ATG2B: variants seen among roughly 807,000 people sequenced by gnomAD.
ATG2B encodes autophagy related 2B.
In ATG2B, 121 loss-of-function variants were observed where a neutral mutation model predicts 241.3. That is an observed-to-expected ratio of 0.50 (90% CI 0.43 to 0.58). The LOEUF (loss-of-function observed/expected upper bound fraction) is 0.58. Among genes scored for constraint, ATG2B ranks in the 20% least tolerant of loss-of-function variants. The pLI is 0.00. For missense variants in ATG2B, 2,306 were observed against 2,491.6 expected (o/e 0.93, Z 1.59); for synonymous variants, 858 against 876.6 (o/e 0.98, Z 0.37).
rs1886293892 is a variant in ATG2B at position 96,284,846 on chromosome 14, T to C, written c.*909A>G. 6.6e-6 allele frequency: 1 copy of C among 152,250 alleles called. No individual in the cohort carries two copies. The highest frequency in any genetic ancestry group is 1.5e-5 in the Non-Finnish European group (1 of 68,038). The allele number at this position is 152,250 out of a possible 1,614,324, so 9.4% of individuals were successfully genotyped here. On this transcript the variant is annotated 3_prime_UTR_variant, in exon 42 of 42. Transcript: ENST00000359933. ...TATGCTGAAATAGTTAACTAGGGCA[T>C]ATTTGAAGAATTTTGTTTACTTTTA...
intron 11 of ATG2B, among the ~76,000 whole-genome samples, chr14:96,330,475 T>C (rs1887703833): frequency 6.6e-6 from 1 of 151,374 alleles, no homozygotes; most frequent in Non-Finnish European, 1.5e-5. Flanking sequence ...ATGTTAACAA[T>C]ACTAAAGGCT....
At chr14:96,287,794 G>T (rs1338435562) in intron 41 of ATG2B, among the ~76,000 whole-genome samples, 1 of 152,026 alleles carries the variant, frequency 6.6e-6, no homozygotes, top group African/African-American at 2.4e-5. Context: ...TTTATTTTTT[G>T]TTTTGTTTTG....
At chr14:96,330,493 G>A (rs952614058) in intron 11 of ATG2B, among the ~76,000 whole-genome samples, 7 of 152,140 alleles carry the variant, frequency 4.6e-5, no homozygotes, top group African/African-American at 1.7e-4. Flanking sequence ...GCTGGGCGTG[G>A]TGGCTCACGC....
At chr14:96,301,467 G>C (rs796851911) in intron 34 of ATG2B, among the ~76,000 whole-genome samples, 9 of 152,278 alleles carry the variant, frequency 5.9e-5, no homozygotes, top group African/African-American at 1.4e-4. Flanking sequence ...CAGATCGCTG[G>C]GTCAAAGCAA....
chr14:96,320,837 A>G (rs1338850983), intron 18 of ATG2B, among the ~76,000 whole-genome samples: 1 of 152,182 alleles, frequency 6.6e-6, no homozygotes, highest in Non-Finnish European at 1.5e-5. Flanking sequence ...CCCCTGAACT[A>G]TGAAATAAAA....
At chr14:96,320,018 T>C (rs893453102) in intron 18 of ATG2B, among the ~76,000 whole-genome samples, 1 of 152,186 alleles carries the variant, frequency 6.6e-6, no homozygotes, top group African/African-American at 2.4e-5. Flanking sequence ...GTGGAAGGTA[T>C]TTAATAGAAT....
At chr14:96,286,078 G>T in intron 41 of ATG2B, 93 bp from the exon 42 acceptor site, 1 of 911,908 alleles carries the variant, frequency 1.1e-6, no homozygotes, top group Non-Finnish European at 1.7e-6. Flanking sequence ...CACTTTTAAA[G>T]CAGGTAACAT....
chr14:96,329,878 A>G (rs1453825719), intron 11 of ATG2B, among the ~76,000 whole-genome samples: 1 of 152,200 alleles, frequency 6.6e-6, no homozygotes, highest in African/African-American at 2.4e-5. Flanking sequence ...TTGCAAAGGC[A>G]AAATCTTTCA....
At position 96,332,336 on chromosome 14, in the gene ATG2B, G is replaced by A. The variant is rs1463080127; in HGVS notation, c.1437C>T (p.Asn479=). The A allele has an allele frequency of 1.9e-6, 3 of 1,613,708 alleles. No homozygotes were observed. The highest frequency in any genetic ancestry group is 2.5e-6 in the Non-Finnish European group (3 of 1,179,670). The change falls in exon 10 of 42, where the codon AAC becomes AAT. Residue 479 remains asparagine, a synonymous_variant. Coordinates refer to ENST00000359933, the MANE Select transcript of ATG2B (RefSeq NM_018036.7). The stretch of plus-strand genomic sequence containing the variant: ...TCTGTAAAGGTGTTGGGTGAACTAG[G>A]TTGGATGGAAATGTTGACCCTCTTA... ...QPVRGSTFPS[N]LVHPTPLQKT...
At chr14:96,288,458 C>T (rs191823915) in intron 41 of ATG2B, among the ~76,000 whole-genome samples, 1 of 152,314 alleles carries the variant, frequency 6.6e-6, no homozygotes, top group East Asian at 1.9e-4. Flanking sequence ...ATAGCTGGCT[C>T]AATCCTGACA....
At chr14:96,287,017 A>G (rs571541732) in intron 41 of ATG2B, among the ~76,000 whole-genome samples, 25 of 152,252 alleles carry the variant, frequency 1.6e-4, no homozygotes, top group African/African-American at 6.0e-4. Context: ...GCACTTTAGG[A>G]GGCCGAGGCA....
Position 96,313,116 on chromosome 14 carries a change from G to C in ATG2B, c.3791C>G (p.Thr1264Arg). 6.2e-7 allele frequency: 1 copy of C among 1,613,638 alleles called. No homozygotes were observed. Among genetic ancestry groups the C allele is most frequent in the South Asian group, 1.1e-5 (1 of 91,056 alleles). The change falls in exon 25 of 42, where the codon ACA (threonine) becomes AGA (arginine). Residue 1264 changes from threonine to arginine, a missense_variant. Around this residue, in one of 2 missense-constraint regions of ATG2B, gnomAD observed 1,927 missense variants for 2,011.2 expected, o/e 0.96. Coordinates refer to ENST00000359933, the MANE Select transcript of ATG2B (RefSeq NM_018036.7). ...LPIRSLLTVE[T>R]FSVSSSVALD... ...TGCAACGCTACTGGAAACACTGAAT[G>C]TTTCCACGGTAAGAAGAGATCGGAT...
At chr14:96,337,279 G>A (rs112458256) in intron 6 of ATG2B, among the ~76,000 whole-genome samples, 1,594 of 152,204 alleles carry the variant, frequency 0.01, 25 homozygotes, top group African/African-American at 0.036. Flanking sequence ...TTAAAACTAC[G>A]TTTTATAGAG....
At chr14:96,332,258 T>A (rs528504360) in intron 10 of ATG2B, 47 bp downstream of exon 10, 2 of 1,476,438 alleles carry the variant, frequency 1.4e-6, no homozygotes, top group East Asian at 2.3e-5. Flanking sequence ...AATGGCATTT[T>A]AAAAATTCCA....
At chr14:96,305,090 T>G (rs1886901572) in intron 31 of ATG2B, among the ~76,000 whole-genome samples, 1 of 152,158 alleles carries the variant, frequency 6.6e-6, no homozygotes, top group Non-Finnish European at 1.5e-5. Flanking sequence ...ATGCCCCACC[T>G]CAATAAGGAA....
At chr14:96,303,306 T>G in intron 32 of ATG2B, 51 bp from the exon 33 acceptor site, 1 of 1,358,346 alleles carries the variant, frequency 7.4e-7, no homozygotes, top group Admixed American at 2.8e-5. Flanking sequence ...ATTCCTTTTA[T>G]TAAATTGTAT....
rs146256917 is a variant in ATG2B at position 96,349,924 on chromosome 14, A to G, written c.163-2583T>C. Among the ~76,000 whole-genome samples, 818 of 152,266 alleles carry G rather than the reference A, an allele frequency of 5.4e-3. 27 individuals carry two copies. The South Asian group carries it at 0.067, about 13-fold the overall frequency. ...CCTTTAACTCCAACACTGGGAAGCC[A>G]AGGCGGGAGGATCTTGAGCTGAGCA... On this transcript the variant is annotated intron_variant, in intron 1 of 41. Coordinates refer to ENST00000359933, the MANE Select transcript of ATG2B (RefSeq NM_018036.7).
intron 34 of ATG2B, among the ~76,000 whole-genome samples, chr14:96,301,594 G>A (rs1029163267): frequency 2.0e-5 from 3 of 152,134 alleles, no homozygotes; most frequent in Non-Finnish European, 4.4e-5. Context: ...ACCTCTTTAT[G>A]TATACCAATT....
intron 6 of ATG2B, among the ~76,000 whole-genome samples, chr14:96,337,044 T>C (rs1887885464): frequency 6.6e-6 from 1 of 152,200 alleles, no homozygotes; most frequent in Non-Finnish European, 1.5e-5. Flanking sequence ...AAAATCATTT[T>C]ATGTATATTG....
Sources: gnomAD v4.1 joint callset for allele counts (sites outside exome capture counted in the v4.1 genomes callset) on GRCh38, gnomAD v4.1.1 for gene constraint, gnomAD v4.1.1 regional missense constraint, MANE v1.5 for transcripts, NCBI Gene and HGNC (gene_info 2026-07-23, HGNC 2026-07-21) for gene names.